The following CARM1 variants were observed in gnomAD, a reference collection of about 807,000 sequenced individuals.
CARM1 encodes histone-arginine methyltransferase CARM1.
In CARM1, 14 loss-of-function variants were observed where a neutral mutation model predicts 72.7. The observed-to-expected ratio is 0.19, with a 90% CI of 0.13 to 0.30. The LOEUF (loss-of-function observed/expected upper bound fraction) is 0.30, where lower values mean the gene tolerates loss of function less well. Ranked by LOEUF, CARM1 falls within the 10% of genes least tolerant of loss-of-function variation. CARM1 has a pLI of 1.00. For synonymous variants in CARM1, 333 were observed against 345.5 expected (o/e 0.96, Z 0.40); for missense variants, 432 against 833.7 (o/e 0.52, Z 5.93).
At chr19:10,913,043 G>A (rs148347008) in intron 5 of CARM1, among the ~76,000 whole-genome samples, 269 of 152,210 alleles carry the variant, frequency 1.8e-3, no homozygotes, top group Non-Finnish European at 2.7e-3. Flanking sequence ...AGTTGTCGAC[G>A]CAGGGTGGGG....
rs2074188674 is a variant in CARM1 at position 10,915,559 on chromosome 19, C to G, written c.848-848C>G. Among the ~76,000 whole-genome samples the G allele has an allele frequency of 6.6e-6, 1 of 152,124 alleles. No homozygotes were observed. Among genetic ancestry groups the G allele is most frequent in the African/African-American group, 2.4e-5 (1 of 41,436 alleles). ...ACTTCCCATGGTGCCCCCAGGTCCC[C>G]CAGGGCAGAAGCCGCAGCATGTGCA... On this transcript the variant is annotated intron_variant, in intron 6 of 15. Coordinates refer to ENST00000327064, the MANE Select transcript of CARM1 (RefSeq NM_199141.2). The surrounding 1 kb of genome is among the most constrained non-coding windows in gnomAD (Gnocchi z 4.6).
intron 1 of CARM1, among the ~76,000 whole-genome samples, chr19:10,894,584 G>A (rs759143172): frequency 1.3e-5 from 2 of 152,076 alleles, no homozygotes; most frequent in Non-Finnish European, 1.5e-5. Flanking sequence ...CAGGTTTGCC[G>A]AGATAAATAG....
chr19:10,900,435 A>G (rs2074055422), intron 1 of CARM1, among the ~76,000 whole-genome samples: 1 of 152,162 alleles, frequency 6.6e-6, no homozygotes, highest in African/African-American at 2.4e-5. Flanking sequence ...TTTCATATAA[A>G]TAGAATCATT....
In CARM1 at chr19:10,871,604, G is replaced by GGCGGCGGCGGCGGCGGCT. The variant is rs1555723429; in HGVS notation, c.-82_-81insTGCGGCGGCGGCGGCGGC. 155 of 110,544 alleles carry GGCGGCGGCGGCGGCGGCT rather than the reference G, an allele frequency of 1.4e-3. 2 individuals carry two copies. The East Asian group carries it at 0.029, about 21-fold the overall frequency. 6.8% of individuals were successfully genotyped at this position (110,544 alleles called of 1,614,324 possible). A position where few individuals can be genotyped will look rare whatever the true frequency, so the allele number is the denominator to read the frequency against. On this transcript the variant is annotated 5_prime_UTR_variant, in exon 1 of 16. Coordinates refer to ENST00000327064, the MANE Select transcript of CARM1 (RefSeq NM_199141.2). The surrounding 1 kb of genome is among the most constrained non-coding windows in gnomAD (Gnocchi z 5.6). Reference sequence around the variant, plus strand: ...CGGTAGCGGCAGCGGCGGCGGCGGCGGCGGCGGCGGCGGCGGCGGCGGCGG... The same window carrying GGCGGCGGCGGCGGCGGCT: ...CGGTAGCGGCAGCGGCGGCGGCGGCGGCGGCGGCGGCGGCGGCTGCGGCGGCGGCGGCGGCGGCGGCGG...
intron 8 of CARM1, 77 bp from the exon 9 acceptor site, chr19:10,919,517 TG>T: frequency 1.9e-6 from 2 of 1,056,826 alleles, no homozygotes; most frequent in Non-Finnish European, 2.9e-6. Context: ...TGGGCAGACC[TG>T]GGGGAAGGGG....
In CARM1 at chr19:10,899,588, G is replaced by A. The variant is rs567343444; in HGVS notation, c.221-5363G>A. On this transcript the variant is annotated intron_variant, in intron 1 of 15. Coordinates refer to ENST00000327064, the MANE Select transcript of CARM1 (RefSeq NM_199141.2). ...CTCCATGCCCTGCCCTCAGGAGGGC[G>A]GCACCTGGCTCCTGGGGTGGGAGAG... Among the ~76,000 whole-genome samples, 6 of 152,282 alleles carry A rather than the reference G, an allele frequency of 3.9e-5. No individual in the cohort carries two copies. In the South Asian group the frequency reaches 6.2e-4, roughly 16 times the overall value.
intron 1 of CARM1, among the ~76,000 whole-genome samples, chr19:10,879,249 A>G (rs1388955507): frequency 5.9e-5 from 9 of 152,220 alleles, no homozygotes; most frequent in Admixed American, 2.6e-4. Flanking sequence ...GTGTTTGTTA[A>G]GAAAGGTTCC....
intron 1 of CARM1, among the ~76,000 whole-genome samples, chr19:10,872,150 G>A (rs1381880044): frequency 6.6e-6 from 1 of 152,040 alleles, no homozygotes; most frequent in East Asian, 1.9e-4. Context: ...AGTGAGCAAG[G>A]GAGCGCGAAA....
chr19:10,902,446 A>G (rs1246116866), intron 1 of CARM1, among the ~76,000 whole-genome samples: 3 of 151,766 alleles, frequency 2.0e-5, no homozygotes, highest in Non-Finnish European at 2.9e-5. Context: ...GGCACTTGCC[A>G]CTATGCCCAG....
chr19:10,916,829 C>A lies in CARM1; in HGVS notation c.1020+52C>A. ...GCAGTGATCACTTGCCATTGCTGTG[C>A]AGCTGTGCAGCCCTCAGGAAGCTAC... On this transcript the variant is annotated intron_variant, in intron 8 of 15. Transcript: ENST00000327064. The surrounding 1 kb of genome is among the most constrained non-coding windows in gnomAD (Gnocchi z 4.4). 1 of 1,314,282 alleles carries A rather than the reference C, an allele frequency of 7.6e-7. No individual in the cohort carries two copies. Among genetic ancestry groups the A allele is most frequent in the Non-Finnish European group, 1.1e-6 (1 of 936,114 alleles). The allele number at this position is 1,314,282 out of a possible 1,614,324, so 81.4% of individuals were successfully genotyped here. A position where few individuals can be genotyped will look rare whatever the true frequency, so the allele number is the denominator to read the frequency against.
chr19:10,872,045 C>T, intron 1 of CARM1, 123 bp downstream of exon 1: 2 of 832,414 alleles, frequency 2.4e-6, no homozygotes, highest in Non-Finnish European at 3.1e-6. Context: ...GGGACTGAGC[C>T]GGTGGCCTGC....
rs554776966 is a variant in CARM1 at position 10,901,202 on chromosome 19, T to G, written c.221-3749T>G. 2.4e-3 allele frequency among the ~76,000 whole-genome samples: 366 copies of G among 151,326 alleles called. 2 individuals are homozygous for G. The highest frequency in any genetic ancestry group is 8.1e-3 in the African/African-American group (333 of 41,196). Reference sequence around the variant, plus strand: ...TTTGCCATGTTGACCAGGCTGGTCTTGAACTCCTGACCTCAGGTGATCTGC... The same window carrying G: ...TTTGCCATGTTGACCAGGCTGGTCTGGAACTCCTGACCTCAGGTGATCTGC... On this transcript the variant is annotated intron_variant, in intron 1 of 15. Coordinates refer to ENST00000327064, the MANE Select transcript of CARM1 (RefSeq NM_199141.2).
At position 10,910,516 on chromosome 19, in the gene CARM1, TCTC is replaced by T. The variant is rs533076829; in HGVS notation, c.558+1310_558+1312del. ...AGTAGAAATGTATAATGTATTCCCT[TCTC>T]ATCCCATTTGCCAGAGTTTTTGGTG... On this transcript the variant is annotated intron_variant, in intron 4 of 15. Coordinates refer to ENST00000327064, the MANE Select transcript of CARM1 (RefSeq NM_199141.2). Among the ~76,000 whole-genome samples, 137 of 152,024 alleles carry T rather than the reference TCTC, an allele frequency of 9.0e-4. 1 individual carries two copies. The Middle Eastern group carries it at 0.01, about 11-fold the overall frequency.
chr19:10,893,288 C>T (rs1188404341), intron 1 of CARM1, among the ~76,000 whole-genome samples: 3 of 152,184 alleles, frequency 2.0e-5, no homozygotes, highest in East Asian at 1.9e-4. Flanking sequence ...CCACCTGCTT[C>T]GGCCTCCCAT....
rs1261496493 is a variant in CARM1, at chr19:10,890,705, A to G, written c.221-14246A>G. Among the ~76,000 whole-genome samples the G allele has an allele frequency of 5.4e-5, 8 of 148,830 alleles. No individual in the cohort carries two copies. In the East Asian group the frequency reaches 1.6e-3, roughly 29 times the overall value. ...CATATATACACACATATATACACAC[A>G]CATATATACACATGAATATATAGAC... On this transcript the variant is annotated intron_variant, in intron 1 of 15. Transcript: ENST00000327064.
chr19:10,880,178 T>G (rs1224258371), intron 1 of CARM1, among the ~76,000 whole-genome samples: 1 of 152,104 alleles, frequency 6.6e-6, no homozygotes, highest in Non-Finnish European at 1.5e-5. Flanking sequence ...GCTTCTAAGG[T>G]CTGCTGGAGA....
chr19:10,896,245 C>T lies in CARM1; in HGVS notation c.221-8706C>T, dbSNP rs2074023309. Among the ~76,000 whole-genome samples the T allele has an allele frequency of 1.3e-5, 2 of 151,968 alleles. No individual in the cohort carries two copies. Among genetic ancestry groups the T allele is most frequent in the Admixed American group, 6.6e-5 (1 of 15,252 alleles). On this transcript the variant is annotated intron_variant, in intron 1 of 15. Transcript: ENST00000327064. The surrounding 1 kb of genome is among the most constrained non-coding windows in gnomAD (Gnocchi z 5.2). Reference sequence around the variant, plus strand: ...CCTGCATGCTGGGACCCAGGGCTGCCGTGGAGCTGCTTGCTGCCCCACCCA... The same window carrying T: ...CCTGCATGCTGGGACCCAGGGCTGCTGTGGAGCTGCTTGCTGCCCCACCCA...
intron 1 of CARM1, among the ~76,000 whole-genome samples, chr19:10,900,484 A>T (rs1300256706): frequency 6.6e-6 from 1 of 152,070 alleles, no homozygotes; most frequent in African/African-American, 2.4e-5. Context: ...TCTGCTATTC[A>T]TTCATGTTGC....
chr19:10,907,226 A>C (rs1226714095), intron 2 of CARM1, among the ~76,000 whole-genome samples: 1 of 151,254 alleles, frequency 6.6e-6, no homozygotes, highest in African/African-American at 2.4e-5. Context: ...TTGTAGAGAC[A>C]GGGTCTTGCT....
Sources: gnomAD v4.1 joint callset for allele counts (sites outside exome capture counted in the v4.1 genomes callset) on GRCh38, gnomAD v4.1.1 for gene constraint, Gnocchi (gnomAD v3.1) non-coding constraint, MANE v1.5 for transcripts, NCBI Gene and HGNC (gene_info 2026-07-23, HGNC 2026-07-21) for gene names.